AOX1: variants seen among roughly 807,000 people sequenced by gnomAD.
AOX1 encodes aldehyde oxidase 1.
A neutral mutation model predicts 169.5 loss-of-function variants in AOX1; 153 were observed. The ratio of observed to expected loss-of-function variants is 0.90; its 90% CI spans 0.79 to 1.03. The LOEUF is 1.03. Ranked by LOEUF, AOX1 falls within the 50% of genes least tolerant of loss-of-function variation. The pLI is 0.00. For missense variants in AOX1, 1,656 were observed against 1,663.9 expected (o/e 1.00, Z 0.08); for synonymous variants, 562 against 581.9 (o/e 0.97, Z 0.49).
At position 200,651,148 on chromosome 2, in the gene AOX1, G is replaced by A. The variant is rs776783393; in HGVS notation, c.3022G>A (p.Ala1008Thr). Reference sequence around the variant, plus strand: ...GAATTATTGGAAGAAGAAAGGACTGGCCATGGTCCCCCTGAAGTTTCCTGT... The same window carrying A: ...GAATTATTGGAAGAAGAAAGGACTGACCATGGTCCCCCTGAAGTTTCCTGT... ...AENYWKKKGL[A>T]MVPLKFPVGL... Residue 1008 changes from alanine to threonine, a missense_variant, in exon 26 of 35, where the codon GCC (alanine) becomes ACC (threonine). Coordinates refer to ENST00000374700, the MANE Select transcript of AOX1 (RefSeq NM_001159.4). 2.0e-5 allele frequency: 33 copies of A among 1,614,050 alleles called. No individual in the cohort carries two copies. In the Admixed American group the frequency reaches 5.2e-4, roughly 25 times the overall value.
chr2:200,593,253 C>A (rs1206249569), intron 2 of AOX1, 50 bp downstream of exon 2: 2 of 1,326,604 alleles, frequency 1.5e-6, no homozygotes, highest in South Asian at 1.2e-5. Flanking sequence ...ATTTGTATAA[C>A]TCCAATATCC....
intron 29 of AOX1, among the ~76,000 whole-genome samples, chr2:200,660,590 A>G (rs2035801551): frequency 6.6e-6 from 1 of 152,214 alleles, no homozygotes; most frequent in Non-Finnish European, 1.5e-5. Context: ...TAGTTGGAAA[A>G]GAAGACACAT....
At chr2:200,632,882 T>C (rs1193093698) in intron 20 of AOX1, among the ~76,000 whole-genome samples, 1 of 151,876 alleles carries the variant, frequency 6.6e-6, no homozygotes, top group Non-Finnish European at 1.5e-5. Context: ...AAAAGTGCTT[T>C]TTTTTTTCTT....
rs1167176310 is a variant in AOX1 at position 200,595,910 on chromosome 2, C to T, written c.200+542C>T. On this transcript the variant is annotated intron_variant, in intron 3 of 34. Coordinates refer to ENST00000374700, the MANE Select transcript of AOX1 (RefSeq NM_001159.4). Reference sequence around the variant, plus strand: ...AATTATCATCAGATCAAGTCATTCCCGTACTTATAAGCCCCCAATGGCTTC... The same window carrying T: ...AATTATCATCAGATCAAGTCATTCCTGTACTTATAAGCCCCCAATGGCTTC... Among the ~76,000 whole-genome samples, 6 of 152,178 alleles carry T rather than the reference C, an allele frequency of 3.9e-5. No individual in the cohort carries two copies. The East Asian group carries it at 5.8e-4, about 15-fold the overall frequency.
At chr2:200,672,432 A>T (rs1032946668), downstream of AOX1, among the ~76,000 whole-genome samples, 17 of 152,352 alleles carry the variant, frequency 1.1e-4, no homozygotes, top group South Asian at 2.7e-3. Context: ...ATAGCAAGGC[A>T]TAGTCAAGGA....
Position 200,651,069 on chromosome 2 carries a change from G to A in AOX1, c.2943G>A (p.Met981Ile). 1 of 1,614,180 alleles carries A rather than the reference G, an allele frequency of 6.2e-7. No individual in the cohort carries two copies. Among genetic ancestry groups the A allele is most frequent in the Non-Finnish European group, 8.5e-7 (1 of 1,180,022 alleles). Reference protein sequence around the residue: ...KNLIQCWRECMAMSSYSLRKV... With the variant: ...KNLIQCWRECIAMSSYSLRKV... ...TAATCCAGTGTTGGAGAGAATGTATGGCCATGTCTTCCTACTCCTTGAGGA... is the reference window on the plus strand; with the variant it reads ...TAATCCAGTGTTGGAGAGAATGTATAGCCATGTCTTCCTACTCCTTGAGGA... The change falls in exon 26 of 35, where the codon ATG (methionine) becomes ATA (isoleucine). Residue 981 changes from methionine (M) to isoleucine (I), a missense_variant. By Grantham distance (10) the Met-to-Ile change is conservative. Coordinates refer to ENST00000374700, the MANE Select transcript of AOX1 (RefSeq NM_001159.4).
At chr2:200,668,900 C>T (rs188991798) in intron 33 of AOX1, 97 bp downstream of exon 33, 1 of 1,023,402 alleles carries the variant, frequency 9.8e-7, no homozygotes, top group African/African-American at 1.7e-5. Flanking sequence ...GGATTTTTAC[C>T]AGGATTGCAG....
intron 1 of AOX1, among the ~76,000 whole-genome samples, chr2:200,590,805 C>G (rs934284093): frequency 6.6e-6 from 1 of 152,142 alleles, no homozygotes; most frequent in African/African-American, 2.4e-5. Context: ...ACCATCATAT[C>G]TAGGAACAGA....
intron 10 of AOX1, among the ~76,000 whole-genome samples, chr2:200,606,246 T>C (rs1483797007): frequency 2.6e-5 from 4 of 152,246 alleles, no homozygotes; most frequent in Non-Finnish European, 4.4e-5. Flanking sequence ...AGGGAATTCT[T>C]TCCCCATTGC....
chr2:200,653,019 A>T (rs746739758), intron 26 of AOX1, among the ~76,000 whole-genome samples: 4 of 152,078 alleles, frequency 2.6e-5, no homozygotes, highest in African/African-American at 9.7e-5. Context: ...TTTTAGGTAT[A>T]AAAAAAATCT....
At chr2:200,605,152 C>T (rs1000124586) in intron 9 of AOX1, among the ~76,000 whole-genome samples, 10 of 152,144 alleles carry the variant, frequency 6.6e-5, no homozygotes, top group Non-Finnish European at 1.5e-4. Context: ...CTAATCTGGG[C>T]CTCAAATTTC....
In AOX1 at chr2:200,643,330, G is replaced by A. The variant is rs186172757; in HGVS notation, c.2847+529G>A. 9.1e-4 allele frequency among the ~76,000 whole-genome samples: 137 copies of A among 151,104 alleles called. 2 individuals are homozygous for A. Among genetic ancestry groups the A allele is most frequent in the Admixed American group, 6.1e-3 (93 of 15,160 alleles). Reference sequence around the variant, plus strand: ...TGAGATTTTGGTGCACCCATCACCCGATGGGTGTATGTATATACATATACA... The same window carrying A: ...TGAGATTTTGGTGCACCCATCACCCAATGGGTGTATGTATATACATATACA... On this transcript the variant is annotated intron_variant, in intron 25 of 34. Coordinates refer to ENST00000374700, the MANE Select transcript of AOX1 (RefSeq NM_001159.4).
chr2:200,673,645 GCACACA>G (rs1198590892), downstream of AOX1, among the ~76,000 whole-genome samples: 2 of 152,098 alleles, frequency 1.3e-5, no homozygotes, highest in African/African-American at 4.8e-5. Context: ...GAATTTGTGG[GCACACA>G]CACATGCACA....
chr2:200,666,637 C>T (rs2035928448), intron 31 of AOX1, 50 bp from the exon 32 acceptor site: 3 of 1,403,416 alleles, frequency 2.1e-6, no homozygotes, highest in African/African-American at 1.4e-5. Context: ...GCTTCTTCTC[C>T]CTAAGTTATT....
intron 27 of AOX1, among the ~76,000 whole-genome samples, chr2:200,657,190 A>ATATATATATATATATATATATATT: frequency 6.4e-5 from 4 of 62,882 alleles, no homozygotes; most frequent in African/African-American, 1.6e-4. Context: ...ATATATATAT[A>ATATATATATATATATATATATATT]TTTTTTTTTT....
Position 200,623,063 on chromosome 2 carries a change from C to A in AOX1, c.2002-798C>A, listed in dbSNP as rs571454241. Among the ~76,000 whole-genome samples the A allele has an allele frequency of 3.3e-5, 5 of 152,136 alleles. No homozygotes were observed. The South Asian group carries it at 1.0e-3, about 32-fold the overall frequency. On this transcript the variant is annotated intron_variant, in intron 18 of 34. Transcript: ENST00000374700. ...TTCGATGATAAAACTACTTTATGTT[C>A]ATTGTGGAAAAGACATAATAGTTCA...
chr2:200,620,882 G>C (rs2105722448), intron 17 of AOX1, 63 bp downstream of exon 17: 1 of 1,525,074 alleles, frequency 6.6e-7, no homozygotes, highest in Non-Finnish European at 8.9e-7. Flanking sequence ...AGTCACACTA[G>C]TGAAAAGTAA....
intron 12 of AOX1, among the ~76,000 whole-genome samples, chr2:200,610,371 CA>C (rs1285607072): frequency 6.6e-6 from 1 of 152,210 alleles, no homozygotes; most frequent in Non-Finnish European, 1.5e-5. Flanking sequence ...AGTGCTTGGT[CA>C]CAAAACTATC....
downstream of AOX1, among the ~76,000 whole-genome samples, chr2:200,673,324 G>T (rs2036052955): frequency 6.6e-6 from 1 of 152,106 alleles, no homozygotes; most frequent in African/African-American, 2.4e-5. Context: ...TGTCTCAAAG[G>T]CACTTCAAAC....
Sources: allele counts gnomAD v4.1 joint callset (sites outside exome capture counted in the v4.1 genomes callset), GRCh38; gene constraint gnomAD v4.1.1; transcripts MANE v1.5; gene names NCBI Gene and HGNC (gene_info 2026-07-23, HGNC 2026-07-21).